Variants in KHDRBS2 observed in about 807,000 individuals in gnomAD.
KHDRBS2 encodes the protein KH RNA binding domain containing, signal transduction associated 2.
In KHDRBS2, 26 loss-of-function variants were observed where a neutral mutation model predicts 44.3. The observed-to-expected ratio is 0.59, with a 90% CI of 0.43 to 0.81. KHDRBS2 has a LOEUF of 0.81. Ranked by LOEUF, KHDRBS2 falls within the 40% of genes least tolerant of loss-of-function variation. The pLI, the probability that KHDRBS2 is intolerant of heterozygous loss-of-function variation, is 0.00. For missense variants in KHDRBS2, 476 were observed against 433.1 expected (o/e 1.10, Z -0.88); for synonymous variants, 194 against 151.1 (o/e 1.28, Z -2.08).
rs145283781 is a variant in KHDRBS2 at position 61,783,029 on chromosome 6, C to T, written c.811-50265G>A. Among the ~76,000 whole-genome samples the T allele has an allele frequency of 4.6e-5, 7 of 151,880 alleles. No individual in the cohort carries two copies. In the East Asian group the frequency reaches 5.8e-4, roughly 13 times the overall value. ...AGTTAAGGGGTGAGGATGTATACTG[C>T]GCACCATGAGGCCATGCCAAGTTAT... On this transcript the variant is annotated intron_variant, in intron 6 of 8. Transcript: ENST00000281156.
chr6:62,222,351 T>C (rs1463561187), intron 1 of KHDRBS2, among the ~76,000 whole-genome samples: 1 of 152,094 alleles, frequency 6.6e-6, no homozygotes, highest in African/African-American at 2.4e-5. Context: ...TTAATTGGAC[T>C]TGCAGTTCCA....
At chr6:61,885,810 T>C (rs545984239) in intron 6 of KHDRBS2, among the ~76,000 whole-genome samples, 262 of 152,188 alleles carry the variant, frequency 1.7e-3, no homozygotes, top group African/African-American at 5.9e-3. Flanking sequence ...CCCACAGCCA[T>C]GGAGGGAGCT....
rs183546593 is a variant in KHDRBS2, at chr6:61,846,018, G to C, written c.810+48617C>G. On this transcript the variant is annotated intron_variant, in intron 6 of 8. Transcript: ENST00000281156. ...GAGATCTGGTCATTTAAAAGTGTGT[G>C]GCACCTCTCTCTCTCCTCTTTTGCT... Among the ~76,000 whole-genome samples the C allele has an allele frequency of 2.3e-3, 345 of 152,198 alleles. 2 individuals carry two copies. The highest frequency in any genetic ancestry group is 8.1e-3 in the African/African-American group (336 of 41,540).
chr6:61,791,760 G>A (rs985028716), intron 6 of KHDRBS2, among the ~76,000 whole-genome samples: 3 of 151,072 alleles, frequency 2.0e-5, no homozygotes, highest in African/African-American at 7.3e-5. Context: ...GCTTTTTTTG[G>A]CCTTACTCTC....
chr6:61,766,621 C>T (rs1469945531), intron 6 of KHDRBS2, among the ~76,000 whole-genome samples: 1 of 151,844 alleles, frequency 6.6e-6, no homozygotes, highest in Non-Finnish European at 1.5e-5. Context: ...CCTCTTAGTA[C>T]TTCTTTTGCT....
At chr6:62,006,759 T>A (rs1358471183) in intron 3 of KHDRBS2, among the ~76,000 whole-genome samples, 1 of 151,950 alleles carries the variant, frequency 6.6e-6, no homozygotes, top group Non-Finnish European at 1.5e-5. Flanking sequence ...AATTAAATAG[T>A]AAATTTCCAT....
chr6:61,676,683 C>T (rs1242540951), downstream of KHDRBS2, among the ~76,000 whole-genome samples: 4 of 151,928 alleles, frequency 2.6e-5, no homozygotes, highest in Middle Eastern at 3.4e-3. Flanking sequence ...TACAGGATTG[C>T]GCCTCACACA....
chr6:61,962,355 C>A (rs1221385696), intron 4 of KHDRBS2, among the ~76,000 whole-genome samples: 1 of 152,066 alleles, frequency 6.6e-6, no homozygotes, highest in Non-Finnish European at 1.5e-5. Context: ...ATAATATTCT[C>A]AAAAACTTGC....
In KHDRBS2 at chr6:61,968,322, C is replaced by G. The variant is rs868581795; in HGVS notation, c.483+9744G>C. ...TGAAAATGTTTGGCAATGCATAATTCCAACATATGATATGTTCATGCCCCT... is the reference window on the plus strand; with the variant it reads ...TGAAAATGTTTGGCAATGCATAATTGCAACATATGATATGTTCATGCCCCT... On this transcript the variant is annotated intron_variant, in intron 4 of 8. Coordinates refer to ENST00000281156, the MANE Select transcript of KHDRBS2 (RefSeq NM_152688.4). 2.0e-5 allele frequency among the ~76,000 whole-genome samples: 3 copies of G among 152,016 alleles called. No individual in the cohort carries two copies. In the Middle Eastern group the frequency reaches 0.01, roughly 517 times the overall value.
At chr6:61,916,301 T>C (rs1002028461) in intron 4 of KHDRBS2, among the ~76,000 whole-genome samples, 3 of 152,078 alleles carry the variant, frequency 2.0e-5, no homozygotes, top group Non-Finnish European at 2.9e-5. Flanking sequence ...CTCAAAAAAC[T>C]ACTCTTGCTA....
At chr6:61,566,713 C>T in the KHDRBS2 span, among the ~76,000 whole-genome samples, 41 of 102,158 alleles carry the variant, frequency 4.0e-4, no homozygotes, top group Non-Finnish European at 6.2e-4. Context: ...CTTTAAAAAA[C>T]GTTCGCTCTT....
At chr6:61,646,847 TCTCA>T in the KHDRBS2 span, among the ~76,000 whole-genome samples, 13 of 152,094 alleles carry the variant, frequency 8.5e-5, no homozygotes, top group East Asian at 1.9e-4. Context: ...TGAGACTGAG[TCTCA>T]CTCAGTCGCC....
chr6:62,225,256 G>C (rs1439498606), intron 1 of KHDRBS2, among the ~76,000 whole-genome samples: 2 of 152,138 alleles, frequency 1.3e-5, no homozygotes, highest in African/African-American at 4.8e-5. Context: ...ATCTTTGTGT[G>C]ACAGTAATGT....
rs536998635 is a variant in KHDRBS2 at position 61,774,601 on chromosome 6, T to C, written c.811-41837A>G. ...ATCCAACTTACAAGGGACGAGAAGT[T>C]GAATCTCTGAATAGACCAATAACAG... On this transcript the variant is annotated intron_variant, in intron 6 of 8. Coordinates refer to ENST00000281156, the MANE Select transcript of KHDRBS2 (RefSeq NM_152688.4). Among the ~76,000 whole-genome samples the C allele has an allele frequency of 1.6e-3, 237 of 152,248 alleles. 1 individual carries two copies. The highest frequency in any genetic ancestry group is 5.3e-3 in the African/African-American group (221 of 41,564).
chr6:61,740,041 A>G (rs1352727993), intron 6 of KHDRBS2, among the ~76,000 whole-genome samples: 1 of 151,894 alleles, frequency 6.6e-6, no homozygotes, highest in African/African-American at 2.4e-5. Context: ...CTTGGTTACT[A>G]GAAGATATCA....
the KHDRBS2 span, among the ~76,000 whole-genome samples, chr6:61,558,372 A>T: frequency 5.9e-5 from 9 of 152,026 alleles, no homozygotes; most frequent in African/African-American, 1.4e-4. Context: ...TACCAGCCTG[A>T]GCAACATGGC....
chr6:62,054,597 G>C (rs1346469408), intron 2 of KHDRBS2, among the ~76,000 whole-genome samples: 1 of 152,054 alleles, frequency 6.6e-6, no homozygotes, highest in Non-Finnish European at 1.5e-5. Context: ...GAGGCAGCAG[G>C]GTCAGAGAAG....
chr6:62,113,748 T>A (rs1426077066), intron 2 of KHDRBS2, among the ~76,000 whole-genome samples: 1 of 152,052 alleles, frequency 6.6e-6, no homozygotes, highest in Non-Finnish European at 1.5e-5. Flanking sequence ...GGTGAGAGAC[T>A]TGACAAAATA....
intron 2 of KHDRBS2, among the ~76,000 whole-genome samples, chr6:62,109,864 T>G (rs1251210097): frequency 4.0e-5 from 6 of 151,730 alleles, no homozygotes; most frequent in Non-Finnish European, 8.8e-5. Flanking sequence ...TCACACCATA[T>G]ATAAAAATTA....
Sources: allele counts gnomAD v4.1 joint callset (sites outside exome capture counted in the v4.1 genomes callset), GRCh38; gene constraint gnomAD v4.1.1; transcripts MANE v1.5; gene names NCBI Gene and HGNC (gene_info 2026-07-23, HGNC 2026-07-21).